Variants in FSTL4 observed in about 807,000 individuals in gnomAD.
The protein encoded by FSTL4 is follistatin-related protein 4.
FSTL4 carries 28 observed loss-of-function variants against 78.2 expected under a neutral mutation model. The observed-to-expected ratio is 0.36, with a 90% confidence interval of 0.27 to 0.49. The LOEUF (loss-of-function observed/expected upper bound fraction) is 0.49. Among genes scored for constraint, FSTL4 ranks in the 20% least tolerant of loss-of-function variants. FSTL4 has a pLI of 0.98. For synonymous variants in FSTL4, 422 were observed against 440.5 expected, an observed-to-expected ratio of 0.96 and a Z score of 0.53; for missense variants, 922 against 1,084.9, an observed-to-expected ratio of 0.85 and a Z score of 2.11.
At chr5:133,624,081 C>T in the FSTL4 span, among the ~76,000 whole-genome samples, 1 of 151,866 alleles carries the variant, frequency 6.6e-6, no homozygotes, top group East Asian at 1.9e-4. Flanking sequence ...GGTCATATGA[C>T]CCAGCAATTC....
chr5:133,340,731 G>C (rs566535864), intron 4 of FSTL4, among the ~76,000 whole-genome samples: 1 of 152,054 alleles, frequency 6.6e-6, no homozygotes, highest in East Asian at 1.9e-4. Flanking sequence ...AAGGCCTATC[G>C]TACAGATATT....
chr5:133,644,634 C>T, the FSTL4 span, among the ~76,000 whole-genome samples: 4 of 152,254 alleles, frequency 2.6e-5, no homozygotes, highest in Admixed American at 6.5e-5. Flanking sequence ...GTTTCCTACT[C>T]ATTGTTCACT....
intron 10 of FSTL4, among the ~76,000 whole-genome samples, chr5:133,224,650 G>T (rs180683790): frequency 2.6e-5 from 4 of 152,340 alleles, no homozygotes; most frequent in Non-Finnish European, 4.4e-5. Context: ...CTTTGACCAT[G>T]ATTAACACCC....
chr5:133,283,694 T>C (rs1344290157), intron 6 of FSTL4, among the ~76,000 whole-genome samples: 2 of 152,106 alleles, frequency 1.3e-5, no homozygotes, highest in African/African-American at 4.8e-5. Context: ...TTATGAGGAA[T>C]TGGACAGTGG....
At chr5:133,447,526 G>A (rs1204511425) in intron 3 of FSTL4, among the ~76,000 whole-genome samples, 2 of 152,048 alleles carry the variant, frequency 1.3e-5, no homozygotes, top group African/African-American at 2.4e-5. Context: ...ATGTATGTGG[G>A]ATTATAATTT....
chr5:133,817,021 G>A, the FSTL4 span, among the ~76,000 whole-genome samples: 1 of 152,234 alleles, frequency 6.6e-6, no homozygotes, highest in Non-Finnish European at 1.5e-5. Flanking sequence ...CAGGCCCACT[G>A]CCTCACTTGC....
intron 6 of FSTL4, among the ~76,000 whole-genome samples, chr5:133,250,857 C>T (rs1013068173): frequency 2.0e-5 from 3 of 152,164 alleles, no homozygotes; most frequent in Admixed American, 6.5e-5. Flanking sequence ...GAACAAGCTA[C>T]GCTAGGTGCT....
intron 6 of FSTL4, among the ~76,000 whole-genome samples, chr5:133,307,954 G>T (rs556464144): frequency 1.2e-4 from 19 of 152,168 alleles, no homozygotes; most frequent in Non-Finnish European, 2.5e-4. Context: ...CTAAGTTTTT[G>T]TATTTTTAGT....
chr5:133,246,943 G>T (rs1268147905), intron 7 of FSTL4: 2 of 152,198 alleles, frequency 1.3e-5, no homozygotes, highest in African/African-American at 4.8e-5. Flanking sequence ...TTTCACAGAA[G>T]GGAAAACTGG....
intron 4 of FSTL4, among the ~76,000 whole-genome samples, chr5:133,333,306 C>T (rs1754390158): frequency 6.6e-6 from 1 of 152,334 alleles, no homozygotes; most frequent in South Asian, 2.1e-4. Flanking sequence ...AGGCCTGGGG[C>T]CCCGGGCAAT....
intron 6 of FSTL4, among the ~76,000 whole-genome samples, chr5:133,262,066 G>A (rs915701905): frequency 2.0e-5 from 3 of 151,390 alleles, no homozygotes; most frequent in Non-Finnish European, 2.9e-5. Context: ...GGGACCTAAC[G>A]CCATGTCAGG....
At chr5:133,316,820 A>G (rs144278232) in intron 4 of FSTL4, among the ~76,000 whole-genome samples, 168 bp from the exon 5 acceptor site, 13 of 152,146 alleles carry the variant, frequency 8.5e-5, no homozygotes, top group African/African-American at 3.1e-4. Context: ...CTGCTCACCA[A>G]TCCATCCCAT....
At chr5:133,471,654 C>G (rs1274571217) in intron 3 of FSTL4, among the ~76,000 whole-genome samples, 7 of 152,166 alleles carry the variant, frequency 4.6e-5, no homozygotes, top group African/African-American at 1.7e-4. Flanking sequence ...TGTTGTTTAT[C>G]AGCTACCCAG....
At chr5:133,357,622 C>T (rs746809464) in intron 4 of FSTL4, among the ~76,000 whole-genome samples, 10 of 152,196 alleles carry the variant, frequency 6.6e-5, no homozygotes, top group East Asian at 1.9e-4. Context: ...ACCGTGAGAA[C>T]GGCCATTTGC....
intron 3 of FSTL4, among the ~76,000 whole-genome samples, chr5:133,566,593 C>T (rs1760031840): frequency 6.6e-6 from 1 of 152,186 alleles, no homozygotes; most frequent in Non-Finnish European, 1.5e-5. Flanking sequence ...ATAAGGGAAA[C>T]TTCAATTTCC....
chr5:133,491,210 T>C (rs1400997851), intron 3 of FSTL4, among the ~76,000 whole-genome samples: 1 of 152,164 alleles, frequency 6.6e-6, no homozygotes, highest in South Asian at 2.1e-4. Flanking sequence ...GATTGTAAAT[T>C]TGTCGATGTT....
At chr5:133,539,317 A>T (rs1036313514) in intron 3 of FSTL4, among the ~76,000 whole-genome samples, 2 of 152,052 alleles carry the variant, frequency 1.3e-5, no homozygotes, top group African/African-American at 4.8e-5. Context: ...AATATCCCCA[A>T]ATCTATTAGT....
At chr5:133,418,727 G>C (rs1173567079) in intron 3 of FSTL4, among the ~76,000 whole-genome samples, 1 of 152,174 alleles carries the variant, frequency 6.6e-6, no homozygotes, top group African/African-American at 2.4e-5. Context: ...ACAGTCATTT[G>C]ACTTTTAAGG....
chr5:133,475,771 A>G (rs181658823), intron 3 of FSTL4, among the ~76,000 whole-genome samples: 6 of 152,258 alleles, frequency 3.9e-5, no homozygotes, highest in Admixed American at 1.3e-4. Flanking sequence ...GGGAGATTGA[A>G]TTTGGAGTGG....
Sources: gnomAD v4.1 joint callset for allele counts (sites outside exome capture counted in the v4.1 genomes callset) on GRCh38, gnomAD v4.1.1 for gene constraint, MANE v1.5 for transcripts, NCBI Gene and HGNC (gene_info 2026-07-23, HGNC 2026-07-21) for gene names.